Variants in LSR observed in about 807,000 individuals in gnomAD.
LSR encodes the protein lipolysis stimulated lipoprotein receptor, also known as lipolysis-stimulated lipoprotein receptor.
In LSR, 44 loss-of-function variants were observed where a neutral mutation model predicts 61.8. The observed-to-expected ratio is 0.71, with a 90% CI of 0.56 to 0.91. LSR has a LOEUF of 0.91. LSR is among the 40% of genes least tolerant of loss of function. The pLI is 0.00. For missense variants in LSR, 911 were observed against 830.5 expected (o/e 1.10, Z -1.19); for synonymous variants, 397 against 350.6 (o/e 1.13, Z -1.48).
intron 5 of LSR, among the ~76,000 whole-genome samples, chr19:35,263,299 A>T (rs1374171025): frequency 1.3e-5 from 2 of 152,102 alleles, no homozygotes; most frequent in Non-Finnish European, 2.9e-5. Flanking sequence ...AAGAAAAAAA[A>T]ATGTTAAGTG....
intron 2 of LSR, among the ~76,000 whole-genome samples, chr19:35,256,515 G>C (rs930851475): frequency 6.6e-6 from 1 of 152,244 alleles, no homozygotes; most frequent in African/African-American, 2.4e-5. Flanking sequence ...TGTATGTCAC[G>C]TAGCCTCTGG....
At position 35,249,038 on chromosome 19, in the gene LSR, G is replaced by A. The variant is rs35564267; in HGVS notation, c.16G>A (p.Gly6Ser). The change falls in exon 1 of 10, where the codon GGC becomes AGC. Residue 6 changes from glycine (G) to serine (S), a missense_variant. Transcript: ENST00000605618. ...GACGGCCGCGATGGCGCTGTTGGCC[G>A]GCGGGCTCTCCAGAGGGCTGGGCTC... The part of the protein sequence containing the change: MALLA[G>S]GLSRGLGSHP... 8 of 1,594,830 alleles carry A rather than the reference G, an allele frequency of 5.0e-6. No homozygotes were observed. Among genetic ancestry groups the A allele is most frequent in the East Asian group, 4.5e-5 (2 of 44,068 alleles).
intron 2 of LSR, among the ~76,000 whole-genome samples, chr19:35,254,666 G>T (rs2065835304): frequency 6.6e-6 from 1 of 152,172 alleles, no homozygotes; most frequent in Non-Finnish European, 1.5e-5. Flanking sequence ...CCAGAGGTTG[G>T]AGATGTGGAG....
Position 35,266,719 on chromosome 19 carries a change from G to A in LSR, c.993G>A (p.Thr331=), listed in dbSNP as rs2066006111. The A allele has an allele frequency of 4.4e-6, 7 of 1,608,832 alleles. No homozygotes were observed. Among genetic ancestry groups the A allele is most frequent in the East Asian group, 4.5e-5 (2 of 44,690 alleles). Residue 331 remains threonine, a synonymous_variant, in exon 7 of 10, where the codon ACG becomes ACA. Coordinates refer to ENST00000605618, the MANE Select transcript of LSR (RefSeq NM_205834.4). ...CCTATGTACCCCTGCTTCGGGACAC[G>A]GACAGCAGTGTGGCCTCTGGTGAGA... ...QGSYVPLLRD[T]DSSVASEVRS... is the part of the protein sequence containing the mutation.
intron 2 of LSR, among the ~76,000 whole-genome samples, chr19:35,253,926 G>A (rs976012415): frequency 4.6e-5 from 7 of 152,194 alleles, no homozygotes; most frequent in Admixed American, 2.6e-4. Flanking sequence ...ACAGGCCTGG[G>A]TCTTTCAAAC....
chr19:35,262,726 G>T, intron 5 of LSR, 34 bp downstream of exon 5: 1 of 1,602,956 alleles, frequency 6.2e-7, no homozygotes. Flanking sequence ...CCTGGTTTGG[G>T]CAACATCCTG....
chr19:35,249,756 G>A (rs2065766271), intron 1 of LSR, among the ~76,000 whole-genome samples: 1 of 152,170 alleles, frequency 6.6e-6, no homozygotes, highest in Admixed American at 6.5e-5. Context: ...AGACACTTTT[G>A]GTTCAGTCAT....
rs1265778758 is a variant in LSR, at chr19:35,250,628, C to T, written c.423C>T (p.Tyr141=). ...GCAACGCTGTGACCCTGGGAGATTA[C>T]TACCAGGGCCGGAGGATTACCATCA... The part of the protein sequence containing the change: ...KQGNAVTLGD[Y]YQGRRITITG... The change falls in exon 2 of 10, where the codon TAC becomes TAT. Residue 141 remains tyrosine, a synonymous_variant. Coordinates refer to ENST00000605618, the MANE Select transcript of LSR (RefSeq NM_205834.4). 3 of 1,582,082 alleles carry T rather than the reference C, an allele frequency of 1.9e-6. No individual in the cohort carries two copies. The highest frequency in any genetic ancestry group is 1.7e-4 in the Middle Eastern group (1 of 5,934).
Position 35,267,910 on chromosome 19 carries a change from C to G in LSR, c.*51C>G, listed in dbSNP as rs1333882256. 6.3e-7 allele frequency: 1 copy of G among 1,586,030 alleles called. No homozygotes were observed. The highest frequency in any genetic ancestry group is 8.7e-7 in the Non-Finnish European group (1 of 1,155,696). ...TATTTTTTTTTTTAATTTGAAGGAA[C>G]ACTGATGAAGCCCTGCCATACCCCT... On this transcript the variant is annotated 3_prime_UTR_variant, in exon 10 of 10. Transcript: ENST00000605618.
At chr19:35,258,266 C>T (rs557624566) in intron 2 of LSR, among the ~76,000 whole-genome samples, 3 of 151,900 alleles carry the variant, frequency 2.0e-5, no homozygotes, top group South Asian at 2.1e-4. Context: ...GTCAACATGG[C>T]GAAACTCCAT....
chr19:35,252,492 T>A (rs2145495305), intron 2 of LSR, among the ~76,000 whole-genome samples: 1 of 150,498 alleles, frequency 6.6e-6, no homozygotes, highest in African/African-American at 2.4e-5. Context: ...CTACTAAAAA[T>A]ACAAAGATTA....
chr19:35,267,192 G>A lies in LSR; in HGVS notation c.1228G>A (p.Glu410Lys). 1 of 1,521,468 alleles carries A rather than the reference G, an allele frequency of 6.6e-7. No individual in the cohort carries two copies. Among genetic ancestry groups the A allele is most frequent in the Non-Finnish European group, 8.8e-7 (1 of 1,137,682 alleles). 94.2% of individuals were successfully genotyped at this position (1,521,468 alleles called of 1,614,324 possible). A position where few individuals can be genotyped will look rare whatever the true frequency, so the allele number is the denominator to read the frequency against. The change falls in exon 9 of 10, where the codon GAG becomes AAG. Residue 410 changes from glutamate (E) to lysine (K), a missense_variant. Coordinates refer to ENST00000605618, the MANE Select transcript of LSR (RefSeq NM_205834.4). ...CCCTGCCCTCACCCCGATCCGGGAT[G>A]AGGAGTGGGGTGGCCACTCCCCCCG... ...RGPALTPIRD[E>K]EWGGHSPRSP...
chr19:35,267,528 C>T lies in LSR; in HGVS notation c.1564C>T (p.Arg522Cys). The change falls in exon 9 of 10, where the codon CGT becomes TGT. Residue 522 changes from arginine (R) to cysteine (C), a missense_variant. Arg to Cys is a radical substitution (Grantham distance 180, BLOSUM62 -3). Coordinates refer to ENST00000605618, the MANE Select transcript of LSR (RefSeq NM_205834.4). Reference protein sequence around the residue: ...PPADPRSHHHRTRDPRDNGSR... With the variant: ...PPADPRSHHHCTRDPRDNGSR... ...TGCCGACCCCAGGTCCCACCACCACCGTACCCGGGACCCTCGGGACAACGG... is the reference window on the plus strand; with the variant it reads ...TGCCGACCCCAGGTCCCACCACCACTGTACCCGGGACCCTCGGGACAACGG... 6 of 1,612,140 alleles carry T rather than the reference C, an allele frequency of 3.7e-6. No homozygotes were observed. Among genetic ancestry groups the T allele is most frequent in the East Asian group, 2.2e-5 (1 of 44,858 alleles).
chr19:35,250,714 G>A, intron 2 of LSR, 55 bp downstream of exon 2: 1 of 1,386,264 alleles, frequency 7.2e-7, no homozygotes, highest in Non-Finnish European at 9.7e-7. Flanking sequence ...GGTGGGACTG[G>A]CGTCCTTGTG....
chr19:35,262,693 G>C lies in LSR; in HGVS notation c.778+1G>C. On this transcript the variant is annotated splice_donor_variant, in intron 5 of 9. Coordinates refer to ENST00000605618, the MANE Select transcript of LSR (RefSeq NM_205834.4). LOFTEE classifies it high-confidence loss of function. ...GACAAGTGCTGCTGCCCCGAGGCCC[G>C]TAAGTGTCCCGCTCATGGCCACCCT... 17 of 1,612,958 alleles carry C rather than the reference G, an allele frequency of 1.1e-5. No individual in the cohort carries two copies. The highest frequency in any genetic ancestry group is 1.4e-5 in the Non-Finnish European group (17 of 1,179,648).
intron 1 of LSR, among the ~76,000 whole-genome samples, chr19:35,250,099 G>A (rs886613486): frequency 1.8e-4 from 28 of 152,210 alleles, no homozygotes; most frequent in South Asian, 4.1e-4. Context: ...GAAACTGGCC[G>A]TGTCACCGTG....
At chr19:35,259,341 A>C (rs1568444067) in intron 3 of LSR, 1 of 291,070 alleles carries the variant, frequency 3.4e-6, no homozygotes. Flanking sequence ...CATTTTTAAA[A>C]AAAATCCAGA....
At chr19:35,255,935 G>A (rs1187823271) in intron 2 of LSR, among the ~76,000 whole-genome samples, 1 of 151,640 alleles carries the variant, frequency 6.6e-6, no homozygotes, top group African/African-American at 2.4e-5. Context: ...TGATTTTGAG[G>A]TTAATTAAGA....
chr19:35,262,027 C>T, intron 4 of LSR, 46 bp downstream of exon 4: 2 of 1,461,856 alleles, frequency 1.4e-6, no homozygotes, highest in Non-Finnish European at 1.8e-6. Context: ...AGCTCCCATA[C>T]ATCACCTACT....
Sources: gnomAD v4.1 joint callset for allele counts (sites outside exome capture counted in the v4.1 genomes callset) on GRCh38, gnomAD v4.1.1 for gene constraint, MANE v1.5 for transcripts, NCBI Gene and HGNC (gene_info 2026-07-23, HGNC 2026-07-21) for gene names.